Variants in LRBA observed in about 807,000 individuals in gnomAD.
LRBA encodes the protein lipopolysaccharide-responsive and beige-like anchor protein.
A neutral mutation model predicts 330.0 loss-of-function variants in LRBA; 176 were observed. The observed-to-expected ratio is 0.53, with a 90% CI of 0.47 to 0.60. The LOEUF (loss-of-function observed/expected upper bound fraction) is 0.60, where lower values mean the gene tolerates loss of function less well. Among genes scored for constraint, LRBA ranks in the 20% least tolerant of loss-of-function variants. The probability of loss-of-function intolerance (pLI) is 0.00; values close to 1 mark genes in which losing one functional copy is unlikely to be tolerated. For missense variants in LRBA, 3,259 were observed against 3,444.8 expected (o/e 0.95, Z 1.35); for synonymous variants, 1,230 against 1,193.0 (o/e 1.03, Z -0.64).
chr4:150,553,394 C>A (rs1399956629), intron 40 of LRBA, among the ~76,000 whole-genome samples: 1 of 151,674 alleles, frequency 6.6e-6, no homozygotes, highest in Non-Finnish European at 1.5e-5. Flanking sequence ...TGCAGCACAC[C>A]AACATGGCAC....
intron 36 of LRBA, among the ~76,000 whole-genome samples, chr4:150,699,917 T>G (rs1169627923): frequency 6.6e-6 from 1 of 151,308 alleles, no homozygotes; most frequent in Non-Finnish European, 1.5e-5. Flanking sequence ...CTGGTAGAGG[T>G]TGAGTATCCC....
chr4:150,637,288 T>A (rs1201729318), intron 37 of LRBA, among the ~76,000 whole-genome samples: 1 of 152,222 alleles, frequency 6.6e-6, no homozygotes, highest in Non-Finnish European at 1.5e-5. Flanking sequence ...GTTCCATTGA[T>A]CTATACAGCT....
At chr4:150,644,636 C>A (rs1454373628) in intron 37 of LRBA, among the ~76,000 whole-genome samples, 1 of 151,840 alleles carries the variant, frequency 6.6e-6, no homozygotes, top group African/African-American at 2.4e-5. Context: ...GATGAGATCA[C>A]AGATGTTACC....
chr4:150,543,451 T>C (rs949404199), intron 40 of LRBA, among the ~76,000 whole-genome samples: 9 of 152,208 alleles, frequency 5.9e-5, no homozygotes, highest in African/African-American at 1.4e-4. Flanking sequence ...TATCCACTTA[T>C]CTGTTTTAAC....
intron 2 of LRBA, among the ~76,000 whole-genome samples, chr4:150,979,521 A>T (rs1041629780): frequency 1.3e-5 from 2 of 152,210 alleles, no homozygotes; most frequent in Non-Finnish European, 2.9e-5. Context: ...TGGGCATATA[A>T]ATTACTCTTA....
chr4:150,735,824 G>A (rs1331996898), intron 35 of LRBA, among the ~76,000 whole-genome samples: 1 of 152,194 alleles, frequency 6.6e-6, no homozygotes, highest in Non-Finnish European at 1.5e-5. Flanking sequence ...GAGGTTCACA[G>A]TCTGTCAAGG....
chr4:150,867,112 T>A lies in LRBA; in HGVS notation c.2766+559A>T, dbSNP rs1248380082. On this transcript the variant is annotated intron_variant, in intron 22 of 56. Coordinates refer to ENST00000651943, the MANE Select transcript of LRBA (RefSeq NM_001364905.1). ...TAACTAAACTTACTTTGGCTTAATT[T>A]AAAAAAAAAAAAAAAAAAAAACTAC... Among the ~76,000 whole-genome samples, 528 of 122,748 alleles carry A rather than the reference T, an allele frequency of 4.3e-3. 4 individuals carry two copies. Among genetic ancestry groups the A allele is most frequent in the African/African-American group, 5.9e-3 (198 of 33,346 alleles). 80.5% of individuals were successfully genotyped at this position (122,748 alleles called of 152,430 possible).
chr4:150,872,726 C>T lies in LRBA; in HGVS notation c.2195G>A (p.Ser732Asn), dbSNP rs866092082. The change falls in exon 18 of 57, where the codon AGT becomes AAT. Residue 732 changes from serine (S) to asparagine (N), a missense_variant. By Grantham distance (46) the Ser-to-Asn change is conservative. Transcript: ENST00000651943. ...AAGAGCTTGTACCCTGATTCCTTCA[C>T]TTTTCGATGCCAGAAGTTTGTAGAT... ...RVIYKLLASK[S>N]EGIRVQALKA... The T allele has an allele frequency of 1.7e-5, 28 of 1,605,288 alleles. No homozygotes were observed. In the Middle Eastern group the frequency reaches 5.0e-4, roughly 28 times the overall value.
chr4:150,469,859 A>G (rs1755873124), intron 43 of LRBA, among the ~76,000 whole-genome samples: 1 of 151,980 alleles, frequency 6.6e-6, no homozygotes, highest in African/African-American at 2.4e-5. Context: ...CTCTGCCCCA[A>G]CCCATCTTCT....
intron 42 of LRBA, among the ~76,000 whole-genome samples, chr4:150,473,675 G>A (rs2152071327): frequency 6.6e-6 from 1 of 152,186 alleles, no homozygotes; most frequent in East Asian, 1.9e-4. Flanking sequence ...CAAGCCTTGG[G>A]CTCAGTCATG....
intron 40 of LRBA, among the ~76,000 whole-genome samples, chr4:150,562,846 C>T (rs959937791): frequency 2.6e-5 from 4 of 151,808 alleles, no homozygotes; most frequent in African/African-American, 9.7e-5. Context: ...GTTGACCAGG[C>T]TGGAATGCAG....
At chr4:150,553,260 TGAACAATGA>T (rs1042824382) in intron 40 of LRBA, among the ~76,000 whole-genome samples, 95 of 151,820 alleles carry the variant, frequency 6.3e-4, no homozygotes, top group African/African-American at 2.2e-3. Context: ...AGGTGGGAAT[TGAACAATGA>T]GAACACTTGG....
chr4:150,733,060 G>C (rs963984036), intron 36 of LRBA, among the ~76,000 whole-genome samples: 2 of 151,938 alleles, frequency 1.3e-5, no homozygotes, highest in African/African-American at 4.8e-5. Flanking sequence ...TCTTAAATTT[G>C]TTATAAAGAA....
At position 150,916,692 on chromosome 4, in the gene LRBA, A is replaced by C. The variant is rs567010096; in HGVS notation, c.692T>G (p.Phe231Cys). The change falls in exon 6 of 57, where the codon TTT becomes TGT. Residue 231 changes from phenylalanine (F) to cysteine (C), a missense_variant. Physicochemically the swap from Phe to Cys is radical, Grantham distance 205. Coordinates refer to ENST00000651943, the MANE Select transcript of LRBA (RefSeq NM_001364905.1). Reference sequence around the variant, plus strand: ...CATTCTAAGCCATGTATGAAATGTAAAACCATTCTGGTATGGCCATTTGGC... The same window carrying C: ...CATTCTAAGCCATGTATGAAATGTACAACCATTCTGGTATGGCCATTTGGC... ...PIAKWPYQNG[F>C]TFHTWLRMDP... The C allele has an allele frequency of 6.3e-7, 1 of 1,598,996 alleles. No homozygotes were observed. Among genetic ancestry groups the C allele is most frequent in the South Asian group, 1.1e-5 (1 of 87,220 alleles).
In LRBA at chr4:150,286,040, G is replaced by T; in HGVS notation, c.8018-6C>A. ...CCGAGGAGCAGCAGTCTCACCTTTAGGAAAAAACAGATAAAAAGAACAAAT... is the reference window on the plus strand; with the variant it reads ...CCGAGGAGCAGCAGTCTCACCTTTATGAAAAAACAGATAAAAAGAACAAAT... On this transcript the variant is annotated splice_region_variant and splice_polypyrimidine_tract_variant and intron_variant, in intron 53 of 56. Transcript: ENST00000651943. The T allele has an allele frequency of 6.5e-7, 1 of 1,529,406 alleles. No individual in the cohort carries two copies. Among genetic ancestry groups the T allele is most frequent in the South Asian group, 1.2e-5 (1 of 80,914 alleles). 94.7% of individuals were successfully genotyped at this position (1,529,406 alleles called of 1,614,324 possible). A position where few individuals can be genotyped will look rare whatever the true frequency, so the allele number is the denominator to read the frequency against.
chr4:150,596,206 A>T (rs1435413706), intron 38 of LRBA, among the ~76,000 whole-genome samples: 1 of 151,860 alleles, frequency 6.6e-6, no homozygotes, highest in African/African-American at 2.4e-5. Context: ...TCAGAATTAA[A>T]AAATTTGTTT....
intron 13 of LRBA, 141 bp downstream of exon 13, chr4:150,905,697 G>A (rs148972079): frequency 6.5e-4 from 422 of 645,096 alleles, no homozygotes; most frequent in Non-Finnish European, 8.3e-4. Flanking sequence ...AGTAAAAAAG[G>A]ATGCTTAGTC....
intron 34 of LRBA, among the ~76,000 whole-genome samples, chr4:150,764,024 C>G (rs1442916891): frequency 6.6e-6 from 1 of 151,846 alleles, no homozygotes; most frequent in Non-Finnish European, 1.5e-5. Flanking sequence ...AGAAATTTGA[C>G]ATAATACAAG....
chr4:150,745,727 G>C (rs984653533), intron 35 of LRBA, among the ~76,000 whole-genome samples: 1 of 152,024 alleles, frequency 6.6e-6, no homozygotes. Flanking sequence ...TGTTGGCCAG[G>C]ATGTTCTCGA....
Sources: gnomAD v4.1 joint callset for allele counts (sites outside exome capture counted in the v4.1 genomes callset) on GRCh38, gnomAD v4.1.1 for gene constraint, MANE v1.5 for transcripts, NCBI Gene and HGNC (gene_info 2026-07-23, HGNC 2026-07-21) for gene names.